The following XYLT1 variants were observed in gnomAD, a reference collection of about 807,000 sequenced individuals.
The protein encoded by XYLT1 is beta-D-xylosyltransferase 1.
Under a neutral mutation model 91.3 loss-of-function variants are expected in XYLT1, and 36 were observed. The observed-to-expected ratio is 0.39, with a 90% CI of 0.30 to 0.52. XYLT1 has a LOEUF of 0.52. Among genes scored for constraint, XYLT1 ranks in the 20% least tolerant of loss-of-function variants. The pLI, the probability that XYLT1 is intolerant of heterozygous loss-of-function variation, is 0.68. For missense variants in XYLT1, 1,242 were observed against 1,284.5 expected (o/e 0.97, Z 0.51); for synonymous variants, 588 against 532.0 (o/e 1.11, Z -1.45).
chr16:17,153,688 T>C (rs2031338082), intron 6 of XYLT1, among the ~76,000 whole-genome samples: 1 of 152,178 alleles, frequency 6.6e-6, no homozygotes, highest in Admixed American at 6.5e-5. Context: ...AATTTGTTGA[T>C]ACACATAAGA....
At chr16:17,121,291 C>T (rs1394563436) in intron 10 of XYLT1, among the ~76,000 whole-genome samples, 1 of 152,142 alleles carries the variant, frequency 6.6e-6, no homozygotes, top group Non-Finnish European at 1.5e-5. Context: ...ATAACCTGGG[C>T]AGGAGAGTTC....
At position 17,108,162 on chromosome 16, in the gene XYLT1, A is replaced by G. The variant is rs1414624047; in HGVS notation, c.*533T>C. 2 of 152,834 alleles carry G rather than the reference A, an allele frequency of 1.3e-5. No individual in the cohort carries two copies. The highest frequency in any genetic ancestry group is 2.9e-5 in the Non-Finnish European group (2 of 68,170). The allele number at this position is 152,834 out of a possible 1,614,324, so 9.5% of individuals were successfully genotyped here. A position where few individuals can be genotyped will look rare whatever the true frequency, so the allele number is the denominator to read the frequency against. On this transcript the variant is annotated 3_prime_UTR_variant, in exon 12 of 12. Transcript: ENST00000261381. ...GTTTGAACCCATGGTTGGTCTGGGCAGTGCTTGTCAAACTGGCATTTGCAG... is the reference window on the plus strand; with the variant it reads ...GTTTGAACCCATGGTTGGTCTGGGCGGTGCTTGTCAAACTGGCATTTGCAG...
At chr16:17,334,107 G>A (rs184727242) in intron 2 of XYLT1, among the ~76,000 whole-genome samples, 136 of 152,284 alleles carry the variant, frequency 8.9e-4, no homozygotes, top group African/African-American at 3.2e-3. Flanking sequence ...CATCTCGGAA[G>A]CAGAGAGCAA....
At chr16:17,407,949 T>C (rs1252584915) in intron 1 of XYLT1, among the ~76,000 whole-genome samples, 1 of 152,196 alleles carries the variant, frequency 6.6e-6, no homozygotes. Flanking sequence ...TTCCCCTCCC[T>C]CTCTCTTGCT....
intron 2 of XYLT1, among the ~76,000 whole-genome samples, chr16:17,274,197 C>A (rs1339221853): frequency 2.0e-5 from 3 of 152,196 alleles, no homozygotes; most frequent in Non-Finnish European, 2.9e-5. Context: ...CAGGCATCAT[C>A]ATTTAAATAA....
intron 1 of XYLT1, among the ~76,000 whole-genome samples, chr16:17,409,168 C>T (rs2036074173): frequency 6.6e-6 from 1 of 152,152 alleles, no homozygotes; most frequent in Non-Finnish European, 1.5e-5. Context: ...TCCTTCGACG[C>T]TAGAAAGAGT....
intron 1 of XYLT1, among the ~76,000 whole-genome samples, chr16:17,410,901 C>T (rs1451702607): frequency 6.6e-6 from 1 of 152,200 alleles, no homozygotes; most frequent in African/African-American, 2.4e-5. Flanking sequence ...CTCAGCCTCC[C>T]AAAGTGCTGG....
At chr16:17,118,046 T>C (rs2029908636) in intron 10 of XYLT1, 67 bp from the exon 11 acceptor site, 3 of 1,492,374 alleles carry the variant, frequency 2.0e-6, no homozygotes, top group Non-Finnish European at 2.7e-6. Flanking sequence ...CAGAAAGGTC[T>C]AGGATCCCCT....
intron 3 of XYLT1, among the ~76,000 whole-genome samples, chr16:17,225,699 T>G (rs2033051706): frequency 1.3e-5 from 2 of 152,324 alleles, no homozygotes; most frequent in Non-Finnish European, 1.5e-5. Flanking sequence ...AGCAAATATG[T>G]TCCAGTGTAA....
chr16:17,351,479 T>C (rs1202810565), intron 2 of XYLT1, among the ~76,000 whole-genome samples: 1 of 152,080 alleles, frequency 6.6e-6, no homozygotes, highest in Non-Finnish European at 1.5e-5. Context: ...CACCATTGCA[T>C]TCCAGCCTGG....
At chr16:17,160,177 C>T (rs74998954) in intron 5 of XYLT1, among the ~76,000 whole-genome samples, 4,579 of 152,310 alleles carry the variant, frequency 0.03, 255 homozygotes, top group African/African-American at 0.1. Flanking sequence ...TTTAACCTCA[C>T]TGAATGGCAG....
chr16:17,299,626 T>C (rs575649100), intron 2 of XYLT1, among the ~76,000 whole-genome samples: 1 of 152,270 alleles, frequency 6.6e-6, no homozygotes, highest in Admixed American at 6.5e-5. Flanking sequence ...GATTTAGCCT[T>C]GACTCTGCCA....
At chr16:17,428,191 C>T (rs564091740) in intron 1 of XYLT1, among the ~76,000 whole-genome samples, 1 of 152,224 alleles carries the variant, frequency 6.6e-6, no homozygotes, top group Admixed American at 6.5e-5. Flanking sequence ...GCCATGTTGG[C>T]CAGGCTGGTC....
intron 1 of XYLT1, among the ~76,000 whole-genome samples, chr16:17,364,678 G>A (rs927862295): frequency 6.6e-6 from 1 of 152,120 alleles, no homozygotes; most frequent in Non-Finnish European, 1.5e-5. Context: ...TTCCTGCAAC[G>A]CTGCCAAGGG....
At chr16:17,358,399 C>T (rs946385415) in intron 1 of XYLT1, among the ~76,000 whole-genome samples, 7 of 152,088 alleles carry the variant, frequency 4.6e-5, no homozygotes, top group Admixed American at 1.3e-4. Context: ...GGCCACCCAA[C>T]GTGCTGGGAT....
chr16:17,377,475 G>A (rs1264625263), intron 1 of XYLT1, among the ~76,000 whole-genome samples: 5 of 152,066 alleles, frequency 3.3e-5, no homozygotes, highest in African/African-American at 1.2e-4. Flanking sequence ...GGGACAGCCA[G>A]CCTGCTCTAT....
chr16:17,315,789 CAAGG>C (rs1258912063), intron 2 of XYLT1, among the ~76,000 whole-genome samples: 2 of 151,354 alleles, frequency 1.3e-5, no homozygotes, highest in African/African-American at 4.9e-5. Context: ...AGTCTGACTC[CAAGG>C]CTAGGCCCTT....
At chr16:17,343,184 A>C (rs2035089172) in intron 2 of XYLT1, among the ~76,000 whole-genome samples, 1 of 152,206 alleles carries the variant, frequency 6.6e-6, no homozygotes, top group Non-Finnish European at 1.5e-5. Flanking sequence ...AACATGTTAC[A>C]ACGTCAGCCC....
At chr16:17,221,993 C>G (rs2032976317) in intron 3 of XYLT1, among the ~76,000 whole-genome samples, 1 of 152,164 alleles carries the variant, frequency 6.6e-6, no homozygotes. Context: ...ACTACACAAT[C>G]CCACTCCTTA....
Sources: allele counts gnomAD v4.1 joint callset (sites outside exome capture counted in the v4.1 genomes callset), GRCh38; gene constraint gnomAD v4.1.1; transcripts MANE v1.5; gene names NCBI Gene and HGNC (gene_info 2026-07-23, HGNC 2026-07-21).